The following KMT2D variants were observed in gnomAD, a reference collection of about 807,000 sequenced individuals.
KMT2D encodes histone-lysine N-methyltransferase 2D.
KMT2D carries 55 observed loss-of-function variants against 512.7 expected under a neutral mutation model. That is an observed-to-expected ratio of 0.11 (90% CI 0.09 to 0.13). KMT2D has a LOEUF of 0.13. KMT2D is among the 10% of genes least tolerant of loss of function. The pLI, the probability that KMT2D is intolerant of heterozygous loss-of-function variation, is 1.00. For missense variants in KMT2D, 6,061 were observed against 7,127.9 expected (o/e 0.85, Z 5.39); for synonymous variants, 2,995 against 2,904.0 (o/e 1.03, Z -1.01).
chr12:49,052,861 A>G, intron 9 of KMT2D, 54 bp downstream of exon 9: 2 of 1,607,518 alleles, frequency 1.2e-6, no homozygotes, highest in Non-Finnish European at 1.7e-6. Flanking sequence ...GGCCCCTGCC[A>G]ATGTCAGTTC....
At position 49,041,631 on chromosome 12, in the gene KMT2D, A is replaced by G; in HGVS notation, c.6234+24T>C. On this transcript the variant is annotated intron_variant, in intron 31 of 54. Transcript: ENST00000301067. The surrounding 1 kb of genome is among the most constrained non-coding windows in gnomAD (Gnocchi z 5.4). Reference sequence around the variant, plus strand: ...AGAGGCCACCCACTAGAGGACTGCTACACCCCAGCCCAGCCCCACTCACCT... The same window carrying G: ...AGAGGCCACCCACTAGAGGACTGCTGCACCCCAGCCCAGCCCCACTCACCT... 1 of 1,613,430 alleles carries G rather than the reference A, an allele frequency of 6.2e-7. No individual in the cohort carries two copies. The highest frequency in any genetic ancestry group is 8.5e-7 in the Non-Finnish European group (1 of 1,179,594).
intron 46 of KMT2D, among the ~76,000 whole-genome samples, chr12:49,028,489 T>C (rs1942723013): frequency 1.3e-5 from 2 of 152,232 alleles, no homozygotes; most frequent in African/African-American, 2.4e-5. Context: ...GTTTTCCAAC[T>C]TTCTTTGACC....
rs1208614810 is a variant in KMT2D at position 49,046,207 on chromosome 12, G to A, written c.4584-33C>T. The A allele has an allele frequency of 1.9e-6, 3 of 1,612,820 alleles. No individual in the cohort carries two copies. The highest frequency in any genetic ancestry group is 8.5e-7 in the Non-Finnish European group (1 of 1,179,282). On this transcript the variant is annotated intron_variant, in intron 17 of 54. Transcript: ENST00000301067. This position sits in a 1 kb window ranked among gnomAD's most constrained non-coding sequence, Gnocchi z 4.2. Reference sequence around the variant, plus strand: ...ACAGAGACTGGAGGAAATAAGCTCAGGCAATGCGAGGCTGGCAACAGGGCC... The same window carrying A: ...ACAGAGACTGGAGGAAATAAGCTCAAGCAATGCGAGGCTGGCAACAGGGCC...
intron 35 of KMT2D, 105 bp downstream of exon 35, chr12:49,037,020 G>GTCCCA: frequency 7.1e-7 from 1 of 1,402,814 alleles, no homozygotes; most frequent in Non-Finnish European, 9.5e-7. Flanking sequence ...AGTTCTTTGT[G>GTCCCA]TCCCATCTTA....
rs374068805 is a variant in KMT2D at position 49,034,310 on chromosome 12, A to T, written c.10508-11T>A. ...GCTGGTCAGCTTCATCTGGGAAAAG[A>T]AGCTGGGTGTCAGGACCTGCAAAAG... On this transcript the variant is annotated splice_polypyrimidine_tract_variant and intron_variant, in intron 38 of 54. Coordinates refer to ENST00000301067, the MANE Select transcript of KMT2D (RefSeq NM_003482.4). 1 of 1,611,416 alleles carries T rather than the reference A, an allele frequency of 6.2e-7. No individual in the cohort carries two copies. The highest frequency in any genetic ancestry group is 8.5e-7 in the Non-Finnish European group (1 of 1,177,798).
rs906321905 is a variant in KMT2D at position 49,019,706 on chromosome 12, A to C, written c.*2074T>G. Reference sequence around the variant, plus strand: ...TTGAGGGCAGCAGCCCAGTCTTCCTACTGTCTGATTTAATTACAGCGGTTC... The same window carrying C: ...TTGAGGGCAGCAGCCCAGTCTTCCTCCTGTCTGATTTAATTACAGCGGTTC... On this transcript the variant is annotated 3_prime_UTR_variant, in exon 55 of 55. Coordinates refer to ENST00000301067, the MANE Select transcript of KMT2D (RefSeq NM_003482.4). The C allele has an allele frequency of 8.6e-6, 2 of 231,922 alleles. No individual in the cohort carries two copies. The highest frequency in any genetic ancestry group is 5.6e-5 in the Admixed American group (1 of 17,702). 14.4% of individuals were successfully genotyped at this position (231,922 alleles called of 1,614,324 possible).
Position 49,034,130 on chromosome 12 carries a change from A to T in KMT2D, c.10677T>A (p.Ala3559=). Residue 3559 remains alanine (A), a synonymous_variant, in exon 39 of 55, where the codon GCT becomes GCA. Transcript: ENST00000301067. ...TAACCAGCTTGAGCTTCTCAGCATC[A>T]GCTTCTGGGAACTCACGGCCAGCTT... ...AKKAGREFPE[A]DAEKLKLVTE... is the part of the protein sequence containing the mutation. 2.5e-6 allele frequency: 4 copies of T among 1,613,106 alleles called. No homozygotes were observed. Among genetic ancestry groups the T allele is most frequent in the Non-Finnish European group, 3.4e-6 (4 of 1,179,848 alleles).
chr12:49,058,739 GGA>G (rs757384129), intron 1 of KMT2D, among the ~76,000 whole-genome samples: 56 of 152,348 alleles, frequency 3.7e-4, no homozygotes, highest in Non-Finnish European at 6.2e-4. Context: ...AAAAAGGGTT[GGA>G]GAGGTCTGGG....
chr12:49,036,172 T>A (rs1222162139), intron 35 of KMT2D, among the ~76,000 whole-genome samples: 2 of 152,182 alleles, frequency 1.3e-5, no homozygotes, highest in South Asian at 4.1e-4. Context: ...CTGGCCCCCA[T>A]CTTATCTCAC....
intron 25 of KMT2D, 49 bp from the exon 26 acceptor site, chr12:49,043,235 G>T (rs763878522): frequency 1.3e-6 from 2 of 1,571,142 alleles, no homozygotes; most frequent in African/African-American, 1.4e-5. Context: ...ATGGGTCATG[G>T]CCACTCTGAA....
rs770649611 is a variant in KMT2D, at chr12:49,044,774, G to A, written c.4933C>T (p.Leu1645=). The A allele has an allele frequency of 1.2e-6, 2 of 1,613,922 alleles. No individual in the cohort carries two copies. Among genetic ancestry groups the A allele is most frequent in the East Asian group, 4.5e-5 (2 of 44,878 alleles). ...LGPDDKKDGD[L]DTDELLKGEG... is the part of the protein sequence containing the mutation. ...CCCTTGAGCAGCTCATCGGTGTCCA[G>A]GTCCCCATCCTTCTTGTCATCAGGG... The change falls in exon 20 of 55, where the codon CTG becomes TTG. Residue 1645 remains leucine (L), a synonymous_variant. Transcript: ENST00000301067. This position sits in a 1 kb window ranked among gnomAD's most constrained non-coding sequence, Gnocchi z 6.4.
chr12:49,024,873 C>T lies in KMT2D; in HGVS notation c.15858G>A (p.Glu5286=), dbSNP rs770257093. 6.2e-7 allele frequency: 1 copy of T among 1,610,028 alleles called. No individual in the cohort carries two copies. The highest frequency in any genetic ancestry group is 8.5e-7 in the Non-Finnish European group (1 of 1,178,142). Residue 5286 remains glutamate (E), a synonymous_variant, in exon 50 of 55, where the codon GAG becomes GAA. Transcript: ENST00000301067. The surrounding 1 kb of genome is among the most constrained non-coding windows in gnomAD (Gnocchi z 4.5). The stretch of plus-strand genomic sequence containing the variant: ...CAAAGAGCTCCTCGCCCTTCAGATA[C>T]TCAGGGAAGAGTCGCAGCATGTCAG... ...KEADMLRLFP[E]YLKGEELFGL... is the part of the protein sequence containing the mutation.
At position 49,060,720 on chromosome 12, in the gene KMT2D, T is replaced by C. The variant is rs1938704107; in HGVS notation, c.-1145A>G. The stretch of plus-strand genomic sequence containing the variant: ...TTCGGCGCTAGATCCGGGGGGGCCT[T>C]TTGCCCGGGGCACCCCACTCGAGAG... On this transcript the variant is annotated 5_prime_UTR_variant, in exon 1 of 55. Transcript: ENST00000301067. Among the ~76,000 whole-genome samples the C allele has an allele frequency of 6.6e-6, 1 of 152,148 alleles. No individual in the cohort carries two copies. Among genetic ancestry groups the C allele is most frequent in the Non-Finnish European group, 1.5e-5 (1 of 68,020 alleles).
Position 49,053,648 on chromosome 12 carries a change from G to A in KMT2D, c.674-7C>T, listed in dbSNP as rs1251026434. 1 of 1,588,296 alleles carries A rather than the reference G, an allele frequency of 6.3e-7. No homozygotes were observed. ...ACTGCACAGCGAGCCTCCTCTGCAG[G>A]GGGTAGAGACACCACAGGTCAGCTA... is the stretch of plus-strand genomic sequence containing the variant. On this transcript the variant is annotated splice_polypyrimidine_tract_variant and splice_region_variant and intron_variant, in intron 6 of 54. Transcript: ENST00000301067.
At position 49,033,353 on chromosome 12, in the gene KMT2D, G is replaced by A. The variant is rs1943051355; in HGVS notation, c.11352C>T (p.Gly3784=). 6.3e-7 allele frequency: 1 copy of A among 1,588,750 alleles called. No individual in the cohort carries two copies. Among genetic ancestry groups the A allele is most frequent in the East Asian group, 2.3e-5 (1 of 43,582 alleles). The change falls in exon 40 of 55, where the codon GGC becomes GGT. Residue 3784 remains glycine (G), a synonymous_variant. Transcript: ENST00000301067. ...QGLMPPSSHQ[G]LLVQQLSPQP... ...GAGGGGACAGCTGCTGGACCAGGAG[G>A]CCTTGGTGGCTGCTGGGAGGCATAA...
rs1938691913 is a variant in KMT2D, at chr12:49,060,570, T to TAGTGC, written c.-1000_-996dup. ...AGCCATTTGCAACCGGAGAGGAAAGTAGTGCAGCGCGGCGCCGCTCCGCCT... is the reference window on the plus strand; with the variant it reads ...AGCCATTTGCAACCGGAGAGGAAAGTAGTGCAGTGCAGCGCGGCGCCGCTCCGCCT... On this transcript the variant is annotated 5_prime_UTR_variant, in exon 1 of 55. Coordinates refer to ENST00000301067, the MANE Select transcript of KMT2D (RefSeq NM_003482.4). 6.6e-6 allele frequency among the ~76,000 whole-genome samples: 1 copy of TAGTGC among 151,954 alleles called. No individual in the cohort carries two copies.
Position 49,033,643 on chromosome 12 carries a change from C to T in KMT2D, c.11062G>A (p.Gly3688Arg). The change falls in exon 40 of 55, where the codon GGG becomes AGG. Residue 3688 changes from glycine to arginine, a missense_variant. Coordinates refer to ENST00000301067, the MANE Select transcript of KMT2D (RefSeq NM_003482.4). ...GAAGGGCCAGCCAGGGATCCAGCCC[C>T]ACCAGAATGTTGCTGTTGCTGCTGT... is the stretch of plus-strand genomic sequence containing the variant. ...AQQQQQQHSG[G>R]AGSLAGPSGG... 6.2e-7 allele frequency: 1 copy of T among 1,613,726 alleles called. No individual in the cohort carries two copies. Among genetic ancestry groups the T allele is most frequent in the Non-Finnish European group, 8.5e-7 (1 of 1,179,884 alleles).
Position 49,030,398 on chromosome 12 carries a change from G to GGGC in KMT2D, c.13878_13880dup (p.Pro4628dup). 1 of 1,556,988 alleles carries GGGC rather than the reference G, an allele frequency of 6.4e-7. No individual in the cohort carries two copies. Among genetic ancestry groups the GGGC allele is most frequent in the Non-Finnish European group, 8.7e-7 (1 of 1,144,898 alleles). ...GCTGCACCGATGGGGGTGGGGTGGG[G>GGGC]GGCAGCGACGAGGGTGGTGTCGGCG... On this transcript the variant is annotated inframe_insertion, in exon 43 of 55. Coordinates refer to ENST00000301067, the MANE Select transcript of KMT2D (RefSeq NM_003482.4).
intron 35 of KMT2D, among the ~76,000 whole-genome samples, chr12:49,036,256 T>C (rs1241918006): frequency 6.6e-6 from 1 of 151,650 alleles, no homozygotes; most frequent in Non-Finnish European, 1.5e-5. Flanking sequence ...TCTTGAAACA[T>C]CCCATAGGTT....
Sources: gnomAD v4.1 joint callset for allele counts (sites outside exome capture counted in the v4.1 genomes callset) on GRCh38, gnomAD v4.1.1 for gene constraint, Gnocchi (gnomAD v3.1) non-coding constraint, MANE v1.5 for transcripts, NCBI Gene and HGNC (gene_info 2026-07-23, HGNC 2026-07-21) for gene names.